Variants in LCP2 observed in about 807,000 individuals in gnomAD.
LCP2 encodes the protein 76 kDa tyrosine phosphoprotein.
In LCP2, 29 loss-of-function variants were observed where a neutral mutation model predicts 74.5. The observed-to-expected ratio is 0.39, with a 90% CI of 0.29 to 0.53. The LOEUF (loss-of-function observed/expected upper bound fraction) is 0.53. Among genes scored for constraint, LCP2 ranks in the 20% least tolerant of loss-of-function variants. The pLI is 0.72. For synonymous variants in LCP2, 228 were observed against 229.5 expected, an observed-to-expected ratio of 0.99 and a Z score of 0.06; for missense variants, 604 against 634.6, an observed-to-expected ratio of 0.95 and a Z score of 0.52.
intron 8 of LCP2, chr5:170,267,331 A>T: frequency 1.8e-6 from 1 of 565,324 alleles, no homozygotes; most frequent in South Asian, 2.2e-5. Flanking sequence ...TCACATTAGA[A>T]ACAAAATTGA....
intron 19 of LCP2, chr5:170,251,714 G>A (rs1761446948): frequency 4.6e-5 from 21 of 453,252 alleles, no homozygotes; most frequent in South Asian, 3.1e-4. Flanking sequence ...TCACAGTCTT[G>A]GCTTCAAATT....
rs1280703491 is a variant in LCP2, at chr5:170,256,997, G to C, written c.1101-422C>G. Among the ~76,000 whole-genome samples, 1 of 152,182 alleles carries C rather than the reference G, an allele frequency of 6.6e-6. No homozygotes were observed. The highest frequency in any genetic ancestry group is 1.5e-5 in the Non-Finnish European group (1 of 68,036). On this transcript the variant is annotated intron_variant, in intron 16 of 20. Coordinates refer to ENST00000046794, the MANE Select transcript of LCP2 (RefSeq NM_005565.5). The surrounding 1 kb of genome is among the most constrained non-coding windows in gnomAD (Gnocchi z 4.5). ...AGGGCTTAGGGTCTGCAAGGAGAGAGTAAGCCAGGTGAGAAGGGAAGTGCA... is the reference window on the plus strand; with the variant it reads ...AGGGCTTAGGGTCTGCAAGGAGAGACTAAGCCAGGTGAGAAGGGAAGTGCA...
At chr5:170,289,645 CTTTCTTTCTTTCTTTCTTTCTTTCTT>C (rs1561978354) in intron 2 of LCP2, among the ~76,000 whole-genome samples, 28 of 111,110 alleles carry the variant, frequency 2.5e-4, no homozygotes, top group Non-Finnish European at 4.0e-4. Flanking sequence ...TTCTTTCTTT[CTTTCTTTCTTTCTTTCTTTCTTTCTT>C]TCTCTCTCTC....
intron 6 of LCP2, among the ~76,000 whole-genome samples, chr5:170,272,770 G>A (rs898783984): frequency 1.3e-4 from 19 of 151,042 alleles, no homozygotes; most frequent in Admixed American, 9.2e-4. Context: ...GCACCACCAC[G>A]CCCAGCTAAT....
chr5:170,275,799 G>A lies in LCP2; in HGVS notation c.250C>T (p.Arg84Cys), dbSNP rs1458213030. 8 of 1,578,608 alleles carry A rather than the reference G, an allele frequency of 5.1e-6. No homozygotes were observed. Among genetic ancestry groups the A allele is most frequent in the South Asian group, 2.3e-5 (2 of 86,202 alleles). The change falls in exon 4 of 21, where the codon CGC becomes TGC. Residue 84 changes from arginine to cysteine, a missense_variant. Physicochemically the swap from Arg to Cys is radical, Grantham distance 180. Coordinates refer to ENST00000046794, the MANE Select transcript of LCP2 (RefSeq NM_005565.5). ...CCTTACACCAGCCGCACTCACTTGC[G>A]TGTGAAGATGCTCCTCCTCTCTTCG... ...KNEERRSIFTRKPQVPRFPEE... is the reference protein window; with the variant it reads ...KNEERRSIFTCKPQVPRFPEE...
chr5:170,256,484 G>A lies in LCP2; in HGVS notation c.1150+42C>T, dbSNP rs761796155. 6.5e-7 allele frequency: 1 copy of A among 1,531,222 alleles called. No homozygotes were observed. Among genetic ancestry groups the A allele is most frequent in the South Asian group, 1.1e-5 (1 of 89,372 alleles). 94.9% of individuals were successfully genotyped at this position (1,531,222 alleles called of 1,614,324 possible). On this transcript the variant is annotated intron_variant, in intron 17 of 20. Coordinates refer to ENST00000046794, the MANE Select transcript of LCP2 (RefSeq NM_005565.5). The surrounding 1 kb of genome is among the most constrained non-coding windows in gnomAD (Gnocchi z 4.5). ...ACAGGTTAGGGATCCAGTCATAAAG[G>A]CTTGATGGCTGAAGCACGTCACAAA...
chr5:170,275,193 C>A (rs1465684138), intron 5 of LCP2, 127 bp downstream of exon 5: 4 of 1,005,604 alleles, frequency 4.0e-6, no homozygotes, highest in East Asian at 4.8e-5. Flanking sequence ...TGGGTAAGAA[C>A]TGGCTGACAG....
At position 170,262,123 on chromosome 5, in the gene LCP2, C is replaced by T. The variant is rs112509078; in HGVS notation, c.926+512G>A. Among the ~76,000 whole-genome samples the T allele has an allele frequency of 6.9e-3, 1,052 of 152,186 alleles. 12 individuals are homozygous for T. The highest frequency in any genetic ancestry group is 0.027 in the Middle Eastern group (8 of 294). ...GGTTGGCCTTAACCCCAGGTACATG[C>T]GCGCCATTTGGTAAATAGGCTGAAA... On this transcript the variant is annotated intron_variant, in intron 13 of 20. Transcript: ENST00000046794.
chr5:170,251,346 C>G (rs1204711366), intron 19 of LCP2: 2 of 199,342 alleles, frequency 1.0e-5, no homozygotes, highest in Admixed American at 5.4e-5. Flanking sequence ...TTCTTAAAAC[C>G]CTGTGATCTC....
chr5:170,253,947 T>C (rs1761503090), intron 17 of LCP2, among the ~76,000 whole-genome samples: 1 of 152,234 alleles, frequency 6.6e-6, no homozygotes, highest in Non-Finnish European at 1.5e-5. Flanking sequence ...TTGTGTTTAT[T>C]GCAGTTGCCC....
chr5:170,279,142 C>A (rs112089023), intron 3 of LCP2, among the ~76,000 whole-genome samples: 1,996 of 152,292 alleles, frequency 0.013, 50 homozygotes, highest in African/African-American at 0.045. Context: ...GGGGGCTGGG[C>A]AGCCATAGAC....
At chr5:170,261,752 G>T (rs1761658929) in intron 13 of LCP2, among the ~76,000 whole-genome samples, 1 of 152,182 alleles carries the variant, frequency 6.6e-6, no homozygotes, top group Non-Finnish European at 1.5e-5. Flanking sequence ...GCTGCGACAG[G>T]CATCTGCACT....
chr5:170,296,864 T>C (rs1346720360), intron 1 of LCP2, among the ~76,000 whole-genome samples: 1 of 152,170 alleles, frequency 6.6e-6, no homozygotes, highest in African/African-American at 2.4e-5. Context: ...CAGTTTTCTG[T>C]CCTGCTTCAC....
chr5:170,249,272 C>T (rs1761370290), intron 20 of LCP2, among the ~76,000 whole-genome samples: 1 of 151,516 alleles, frequency 6.6e-6, no homozygotes, highest in Non-Finnish European at 1.5e-5. Context: ...TTGCAGTGAG[C>T]CGAGATTGCG....
chr5:170,256,625 C>T lies in LCP2; in HGVS notation c.1101-50G>A, dbSNP rs1273746604. ...ATTTATTTGGATTGGGGTGATGGGGCCAGACAGGGGAGCTGGGTTAGGGAA... is the reference window on the plus strand; with the variant it reads ...ATTTATTTGGATTGGGGTGATGGGGTCAGACAGGGGAGCTGGGTTAGGGAA... On this transcript the variant is annotated intron_variant, in intron 16 of 20. Transcript: ENST00000046794. The surrounding 1 kb of genome is among the most constrained non-coding windows in gnomAD (Gnocchi z 4.5). The T allele has an allele frequency of 2.2e-6, 3 of 1,345,224 alleles. No homozygotes were observed. The highest frequency in any genetic ancestry group is 3.2e-6 in the Non-Finnish European group (3 of 935,774). 83.3% of individuals were successfully genotyped at this position (1,345,224 alleles called of 1,614,324 possible). A position where few individuals can be genotyped will look rare whatever the true frequency, so the allele number is the denominator to read the frequency against.
At position 170,274,323 on chromosome 5, in the gene LCP2, T is replaced by C; in HGVS notation, c.302A>G (p.Asp101Gly). The C allele has an allele frequency of 6.2e-7, 1 of 1,613,344 alleles. No individual in the cohort carries two copies. The highest frequency in any genetic ancestry group is 1.1e-5 in the South Asian group (1 of 90,844). ...FPEETESHEE[D>G]NGGWSSFEED... is the part of the protein sequence containing the mutation. The stretch of plus-strand genomic sequence containing the variant: ...CACAAAGGACGACCAGCCCCCATTG[T>C]CCTCTTCGTGGCTTTCTGTGGAAGG... The change falls in exon 6 of 21, where the codon GAC becomes GGC. Residue 101 changes from aspartate (D) to glycine (G), a missense_variant. By Grantham distance (94) the Asp-to-Gly change is moderately conservative (BLOSUM62 -1). Transcript: ENST00000046794.
At chr5:170,260,944 G>C in intron 14 of LCP2, 163 bp downstream of exon 14, 1 of 619,296 alleles carries the variant, frequency 1.6e-6, no homozygotes, top group East Asian at 2.8e-5. Flanking sequence ...CAATGACCAA[G>C]GCCCAAAGAC....
chr5:170,288,123 G>A (rs2113209234), intron 2 of LCP2, 107 bp from the exon 3 acceptor site: 2 of 1,172,674 alleles, frequency 1.7e-6, no homozygotes, highest in East Asian at 2.5e-5. Context: ...TGGGGACTGT[G>A]GCAAACAGAG....
chr5:170,274,656 T>G (rs1761974604), intron 5 of LCP2, among the ~76,000 whole-genome samples: 1 of 152,184 alleles, frequency 6.6e-6, no homozygotes, highest in Non-Finnish European at 1.5e-5. Flanking sequence ...TGGGACAGGC[T>G]GGGCCCCAGG....
Sources: gnomAD v4.1 joint callset for allele counts (sites outside exome capture counted in the v4.1 genomes callset) on GRCh38, gnomAD v4.1.1 for gene constraint, Gnocchi (gnomAD v3.1) non-coding constraint, MANE v1.5 for transcripts, NCBI Gene and HGNC (gene_info 2026-07-23, HGNC 2026-07-21) for gene names.